The following SLC2A5 variants were observed in gnomAD, a reference collection of about 807,000 sequenced individuals.
SLC2A5 encodes the protein solute carrier family 2, facilitated glucose transporter member 5.
In SLC2A5, 56 loss-of-function variants were observed where a neutral mutation model predicts 50.3. That is an observed-to-expected ratio of 1.11 (90% CI 0.90 to 1.39). The LOEUF is 1.39. SLC2A5 is among the 40% of genes most tolerant of loss of function. The pLI, the probability that SLC2A5 is intolerant of heterozygous loss-of-function variation, is 0.00. For synonymous variants in SLC2A5, 269 were observed against 281.9 expected (o/e 0.95, Z 0.46); for missense variants, 566 against 650.1 (o/e 0.87, Z 1.41).
Position 9,044,405 on chromosome 1 carries a change from G to A in SLC2A5, c.419-2468C>T, listed in dbSNP as rs141300814. On this transcript the variant is annotated intron_variant, in intron 4 of 11. Transcript: ENST00000377424. The stretch of plus-strand genomic sequence containing the variant: ...ATACCTTCAGTCTTCCTGCCAAGAA[G>A]TTGATTAGTAACAAATCAGTGAACT... Among the ~76,000 whole-genome samples the A allele has an allele frequency of 4.5e-4, 68 of 152,286 alleles. 1 individual carries two copies. Among genetic ancestry groups the A allele is most frequent in the Middle Eastern group, 3.4e-3 (1 of 294 alleles).
intron 2 of SLC2A5, among the ~76,000 whole-genome samples, chr1:9,084,600 T>C (rs972857828): frequency 6.6e-6 from 1 of 152,162 alleles, no homozygotes; most frequent in African/African-American, 2.4e-5. Flanking sequence ...CTGTTGAACA[T>C]GTTCCAGCAC....
intron 4 of SLC2A5, among the ~76,000 whole-genome samples, chr1:9,046,208 G>A (rs1290670864): frequency 6.6e-6 from 1 of 152,158 alleles, no homozygotes; most frequent in East Asian, 1.9e-4. Context: ...CTCTGCACCT[G>A]TAGGACCCTG....
At chr1:9,070,813 G>A (rs1476883681), upstream of SLC2A5, among the ~76,000 whole-genome samples, 6 of 152,074 alleles carry the variant, frequency 3.9e-5, no homozygotes, top group African/African-American at 9.7e-5. Context: ...GGGAGACTGT[G>A]AGAAGCCTAG....
At chr1:9,089,081 G>A (rs1642436044), upstream of SLC2A5, among the ~76,000 whole-genome samples, 1 of 152,152 alleles carries the variant, frequency 6.6e-6, no homozygotes, top group South Asian at 2.1e-4. Flanking sequence ...GTGTTCAGCT[G>A]AAACACACGC....
chr1:9,060,546 ATACCC>A (rs1641907500), intron 1 of SLC2A5, among the ~76,000 whole-genome samples: 1 of 136,958 alleles, frequency 7.3e-6, no homozygotes, highest in African/African-American at 2.7e-5. Context: ...CACCACACAC[ATACCC>A]CACACACACA....
At chr1:9,063,446 C>T (rs1641995744) in intron 1 of SLC2A5, among the ~76,000 whole-genome samples, 1 of 151,916 alleles carries the variant, frequency 6.6e-6, no homozygotes, top group South Asian at 2.1e-4. Flanking sequence ...AATCTCAGCT[C>T]ACTGTAGCCT....
intron 3 of SLC2A5, among the ~76,000 whole-genome samples, chr1:9,052,605 C>T (rs547247137): frequency 3.9e-5 from 6 of 152,120 alleles, no homozygotes; most frequent in Non-Finnish European, 5.9e-5. Flanking sequence ...ACAAATACAG[C>T]GCTCTGGTGA....
At chr1:9,052,664 A>C (rs932487425) in intron 3 of SLC2A5, among the ~76,000 whole-genome samples, 1 of 152,206 alleles carries the variant, frequency 6.6e-6, no homozygotes, top group Non-Finnish European at 1.5e-5. Flanking sequence ...GGAGAGGTAC[A>C]TGGGAAGTCT....
intron 3 of SLC2A5, among the ~76,000 whole-genome samples, chr1:9,051,358 A>G (rs1036511202): frequency 5.9e-5 from 9 of 152,210 alleles, no homozygotes; most frequent in Non-Finnish European, 1.3e-4. Flanking sequence ...TGTTAAGAGG[A>G]TGAAAAGACA....
chr1:9,060,179 TACACACACTAC>T (rs1157188960), intron 1 of SLC2A5, among the ~76,000 whole-genome samples: 41 of 104,656 alleles, frequency 3.9e-4, no homozygotes, highest in African/African-American at 1.0e-3. Flanking sequence ...ACATACACAA[TACACACACTAC>T]ACACACACTA....
upstream of SLC2A5, among the ~76,000 whole-genome samples, chr1:9,088,715 G>A (rs145731894): frequency 6.0e-3 from 915 of 152,232 alleles, 5 homozygotes; most frequent in African/African-American, 0.021. Flanking sequence ...CCCAGGAGGT[G>A]GAGGTTGCAG....
intron 4 of SLC2A5, among the ~76,000 whole-genome samples, chr1:9,043,738 G>A (rs1041721408): frequency 1.4e-5 from 2 of 144,906 alleles, no homozygotes; most frequent in East Asian, 4.0e-4. Flanking sequence ...TTTTTTTTTC[G>A]AGATGCGAGT....
At chr1:9,080,619 C>T (rs1406050017) in intron 2 of SLC2A5, among the ~76,000 whole-genome samples, 1 of 152,148 alleles carries the variant, frequency 6.6e-6, no homozygotes, top group African/African-American at 2.4e-5. Context: ...TCGTGTTGGC[C>T]GTCTGTACAT....
chr1:9,041,750 G>A lies in SLC2A5; in HGVS notation c.571+35C>T, dbSNP rs377478298. 4.3e-6 allele frequency: 7 copies of A among 1,613,912 alleles called. No homozygotes were observed. The African/African-American group carries it at 5.3e-5, about 12-fold the overall frequency. On this transcript the variant is annotated intron_variant, in intron 5 of 11. Coordinates refer to ENST00000377424, the MANE Select transcript of SLC2A5 (RefSeq NM_003039.3). ...GGAGGGGGCCAAGGGTAGTGGTGAA[G>A]GGGTGGGGGTGCTCCCGAGATGTCC...
chr1:9,072,887 A>C (rs1450458755), upstream of SLC2A5, among the ~76,000 whole-genome samples: 3 of 151,962 alleles, frequency 2.0e-5, no homozygotes, highest in Non-Finnish European at 4.4e-5. Flanking sequence ...GCTTGAACCC[A>C]AGAGGCGGAA....
At chr1:9,059,292 G>T (rs571848975) in intron 1 of SLC2A5, among the ~76,000 whole-genome samples, 1 of 151,484 alleles carries the variant, frequency 6.6e-6, no homozygotes, top group Non-Finnish European at 1.5e-5. Flanking sequence ...ACAGGCACCC[G>T]CCACCACGCC....
chr1:9,060,250 A>G (rs570234771), intron 1 of SLC2A5, among the ~76,000 whole-genome samples: 67 of 133,762 alleles, frequency 5.0e-4, no homozygotes, highest in Non-Finnish European at 8.8e-4. Flanking sequence ...CCCCATGTAC[A>G]CACACTACAC....
chr1:9,038,726 T>C (rs745306494), intron 9 of SLC2A5, 102 bp downstream of exon 9: 69 of 1,463,090 alleles, frequency 4.7e-5, no homozygotes, highest in Non-Finnish European at 5.9e-5. Flanking sequence ...AAACAGCTCA[T>C]TGTGACCCCT....
intron 2 of SLC2A5, among the ~76,000 whole-genome samples, chr1:9,084,466 G>T (rs1283983857): frequency 6.6e-6 from 1 of 152,220 alleles, no homozygotes; most frequent in East Asian, 1.9e-4. Flanking sequence ...GGTGTCAAAA[G>T]CCTGGACACT....
Sources: allele counts gnomAD v4.1 joint callset (sites outside exome capture counted in the v4.1 genomes callset), GRCh38; gene constraint gnomAD v4.1.1; transcripts MANE v1.5; gene names NCBI Gene and HGNC (gene_info 2026-07-23, HGNC 2026-07-21).